KCNIP4: variants seen among roughly 807,000 people sequenced by gnomAD.
KCNIP4 encodes the protein potassium voltage-gated channel interacting protein 4, also known as Kv channel-interacting protein 4.
A neutral mutation model predicts 34.0 loss-of-function variants in KCNIP4; 12 were observed. The observed-to-expected ratio is 0.35, with a 90% CI of 0.23 to 0.57. The LOEUF (loss-of-function observed/expected upper bound fraction) is 0.57, where lower values mean the gene tolerates loss of function less well. Among genes scored for constraint, KCNIP4 ranks in the 20% least tolerant of loss-of-function variants. KCNIP4 has a pLI of 0.83. For missense variants in KCNIP4, 238 were observed against 311.7 expected (o/e 0.76, Z 1.78); for synonymous variants, 124 against 102.2 (o/e 1.21, Z -1.29).
chr4:21,876,842 C>A (rs1218931256), intron 1 of KCNIP4, among the ~76,000 whole-genome samples: 6 of 151,902 alleles, frequency 3.9e-5, no homozygotes, highest in Admixed American at 3.9e-4. Flanking sequence ...CATGTTTTGT[C>A]AACGGGAGAC....
chr4:21,500,955 C>T (rs955935199), intron 1 of KCNIP4, among the ~76,000 whole-genome samples: 2 of 152,020 alleles, frequency 1.3e-5, no homozygotes, highest in African/African-American at 4.8e-5. Flanking sequence ...GTGTTCAAAG[C>T]ATTGTTAATA....
At chr4:21,809,722 T>C (rs1007391993) in intron 1 of KCNIP4, among the ~76,000 whole-genome samples, 8 of 152,156 alleles carry the variant, frequency 5.3e-5, no homozygotes, top group African/African-American at 1.9e-4. Flanking sequence ...GAAGTTTAAT[T>C]CTTTTTTGTT....
At chr4:20,744,638 G>A (rs1195147033) in intron 5 of KCNIP4, among the ~76,000 whole-genome samples, 2 of 152,050 alleles carry the variant, frequency 1.3e-5, no homozygotes, top group African/African-American at 4.8e-5. Flanking sequence ...GGATGGGGGA[G>A]GGATAGCATT....
chr4:21,767,693 CTG>C (rs1302192051), intron 1 of KCNIP4, among the ~76,000 whole-genome samples: 1 of 151,796 alleles, frequency 6.6e-6, no homozygotes, highest in African/African-American at 2.4e-5. Flanking sequence ...CGTTAAATAA[CTG>C]TTTTTCTCTT....
intron 1 of KCNIP4, among the ~76,000 whole-genome samples, chr4:21,373,792 G>A (rs1459650273): frequency 6.8e-6 from 1 of 146,854 alleles, no homozygotes; most frequent in Non-Finnish European, 1.5e-5. Context: ...TGCAACCTCT[G>A]CCTCCCAGGT....
At chr4:21,012,123 T>C (rs996708502) in intron 1 of KCNIP4, among the ~76,000 whole-genome samples, 1 of 152,200 alleles carries the variant, frequency 6.6e-6, no homozygotes, top group Non-Finnish European at 1.5e-5. Flanking sequence ...ACCACTCCAA[T>C]AGGACATGGG....
chr4:21,818,595 T>G (rs1333943554), intron 1 of KCNIP4, among the ~76,000 whole-genome samples: 1 of 152,244 alleles, frequency 6.6e-6, no homozygotes, highest in East Asian at 1.9e-4. Context: ...TTTTAAATAC[T>G]CAGTAGCTAC....
At chr4:21,458,875 C>T (rs1024659846) in intron 1 of KCNIP4, among the ~76,000 whole-genome samples, 28 of 151,986 alleles carry the variant, frequency 1.8e-4, no homozygotes, top group African/African-American at 6.3e-4. Context: ...TGTATCTAAA[C>T]TCATACACCC....
intron 1 of KCNIP4, among the ~76,000 whole-genome samples, chr4:21,741,993 C>T (rs1277454431): frequency 6.6e-6 from 1 of 152,044 alleles, no homozygotes; most frequent in Non-Finnish European, 1.5e-5. Flanking sequence ...GCTGAAATTG[C>T]ACCACTGCAC....
chr4:21,484,934 C>A (rs903949512), intron 1 of KCNIP4, among the ~76,000 whole-genome samples: 11 of 152,344 alleles, frequency 7.2e-5, no homozygotes, highest in African/African-American at 2.4e-4. Flanking sequence ...ATAGGTCACA[C>A]ACATAGTGTT....
At chr4:21,203,718 C>A (rs1332599937) in intron 1 of KCNIP4, among the ~76,000 whole-genome samples, 1 of 152,192 alleles carries the variant, frequency 6.6e-6, no homozygotes, top group Non-Finnish European at 1.5e-5. Context: ...AACCTTATAT[C>A]AGATACTATG....
At chr4:21,054,559 T>A (rs1743239132) in intron 1 of KCNIP4, among the ~76,000 whole-genome samples, 1 of 150,392 alleles carries the variant, frequency 6.6e-6, no homozygotes, top group South Asian at 2.1e-4. Flanking sequence ...GTGAATGGAA[T>A]AGAAAAAAGA....
rs113493154 is a variant in KCNIP4 at position 21,099,276 on chromosome 4, T to C, written c.62-216567A>G. Among the ~76,000 whole-genome samples the C allele has an allele frequency of 1.3e-5, 2 of 152,210 alleles. 1 individual carries two copies. The highest frequency in any genetic ancestry group is 4.8e-5 in the African/African-American group (2 of 41,570). On this transcript the variant is annotated intron_variant, in intron 1 of 8. Coordinates refer to ENST00000382152, the MANE Select transcript of KCNIP4 (RefSeq NM_025221.6). ...AATGTGGTACATATAAACCATGGAA[T>C]ACTATGCAGCCATAAAAATGAATAA...
intron 1 of KCNIP4, among the ~76,000 whole-genome samples, chr4:21,388,619 G>T (rs1170114328): frequency 6.6e-6 from 1 of 152,082 alleles, no homozygotes; most frequent in Non-Finnish European, 1.5e-5. Flanking sequence ...AATTTTAGAA[G>T]ATCTTTGCCC....
At chr4:21,453,337 C>G (rs1728667979) in intron 1 of KCNIP4, among the ~76,000 whole-genome samples, 1 of 152,030 alleles carries the variant, frequency 6.6e-6, no homozygotes, top group South Asian at 2.1e-4. Flanking sequence ...GGTAGAAGGT[C>G]TTGTACCTAG....
chr4:21,773,732 G>GTTTTTTTTTTTTT (rs1337547042), intron 1 of KCNIP4, among the ~76,000 whole-genome samples: 1 of 71,316 alleles, frequency 1.4e-5, no homozygotes, highest in African/African-American at 7.0e-5. Context: ...TGCAACCCCT[G>GTTTTTTTTTTTTT]TTTTTTTTTG....
At position 21,326,475 on chromosome 4, in the gene KCNIP4, T is replaced by C. The variant is rs181057870; in HGVS notation, c.62-443766A>G. Among the ~76,000 whole-genome samples, 664 of 149,384 alleles carry C rather than the reference T, an allele frequency of 4.4e-3. 1 individual carries two copies. The highest frequency in any genetic ancestry group is 0.042 in the Middle Eastern group (12 of 288). On this transcript the variant is annotated intron_variant, in intron 1 of 8. Coordinates refer to ENST00000382152, the MANE Select transcript of KCNIP4 (RefSeq NM_025221.6). ...ACATCTTTTTTCGTACCTTTTTTTT[T>C]CAGTCTATATGTATCTTTACAGGTG...
At chr4:21,381,363 T>C (rs1312365711) in intron 1 of KCNIP4, among the ~76,000 whole-genome samples, 1 of 152,188 alleles carries the variant, frequency 6.6e-6, no homozygotes, top group Non-Finnish European at 1.5e-5. Context: ...TTGTAATGAT[T>C]AGCAATGACA....
intron 1 of KCNIP4, among the ~76,000 whole-genome samples, chr4:21,809,352 C>T (rs1289384484): frequency 1.3e-5 from 2 of 152,182 alleles, no homozygotes; most frequent in East Asian, 3.9e-4. Flanking sequence ...TGCCGCTAAC[C>T]CCTACCTCGG....
Sources: gnomAD v4.1 joint callset for allele counts (sites outside exome capture counted in the v4.1 genomes callset) on GRCh38, gnomAD v4.1.1 for gene constraint, MANE v1.5 for transcripts, NCBI Gene and HGNC (gene_info 2026-07-23, HGNC 2026-07-21) for gene names.